RNF130: variants seen among roughly 807,000 people sequenced by gnomAD.
The protein encoded by RNF130 is E3 ubiquitin-protein ligase RNF130.
A neutral mutation model predicts 44.6 loss-of-function variants in RNF130; 21 were observed. The observed-to-expected ratio is 0.47, with a 90% CI of 0.33 to 0.68. The LOEUF is 0.68. RNF130 is among the 30% of genes least tolerant of loss of function. The probability of loss-of-function intolerance (pLI) is 0.02; values close to 1 mark genes in which losing one functional copy is unlikely to be tolerated. For synonymous variants in RNF130, 214 were observed against 210.4 expected (o/e 1.02, Z -0.15); for missense variants, 479 against 560.6 (o/e 0.85, Z 1.47).
In RNF130 at chr5:179,955,773, C is replaced by T. The variant is rs1582138756; in HGVS notation, c.1245-104G>A. The T allele has an allele frequency of 1.1e-5, 10 of 912,512 alleles. No individual in the cohort carries two copies. The East Asian group carries it at 2.5e-4, about 23-fold the overall frequency. The allele number at this position is 912,512 out of a possible 1,614,324, so 56.5% of individuals were successfully genotyped here. ...TGAAGGGTGGCCTGGCTGTCCCCAG[C>T]TAGTTCCCAACCCCTCTGGTAAGGC... On this transcript the variant is annotated intron_variant, in intron 8 of 8. Coordinates refer to ENST00000521389, the MANE Select transcript of RNF130 (RefSeq NM_018434.6).
chr5:179,961,309 G>C (rs544503059), intron 8 of RNF130, among the ~76,000 whole-genome samples: 1 of 152,210 alleles, frequency 6.6e-6, no homozygotes, highest in African/African-American at 2.4e-5. Context: ...CGGTGGTTTT[G>C]ACTGAAGGCA....
intron 3 of RNF130, among the ~76,000 whole-genome samples, chr5:179,991,000 TGGG>T (rs1357107124): frequency 1.3e-5 from 2 of 152,240 alleles, no homozygotes; most frequent in Non-Finnish European, 2.9e-5. Context: ...CCTCGGCACC[TGGG>T]TGGCTTGTTG....
intron 7 of RNF130, among the ~76,000 whole-genome samples, chr5:179,927,607 G>C (rs1424118691): frequency 1.9e-5 from 1 of 53,060 alleles, no homozygotes; most frequent in South Asian, 5.6e-4. Context: ...TTTTTTTTTT[G>C]AGATGGAGTC....
At chr5:180,045,990 C>T (rs918391263) in intron 1 of RNF130, among the ~76,000 whole-genome samples, 3 of 152,236 alleles carry the variant, frequency 2.0e-5, no homozygotes, top group African/African-American at 7.2e-5. Context: ...GGGACCGAGC[C>T]CCGTGGAGCA....
rs1763630605 is a variant in RNF130 at position 180,013,152 on chromosome 5, G to T, written c.602C>A (p.Ser201Tyr). 6.2e-7 allele frequency: 1 copy of T among 1,613,986 alleles called. No individual in the cohort carries two copies. The highest frequency in any genetic ancestry group is 1.1e-5 in the South Asian group (1 of 91,062). Reference sequence around the variant, plus strand: ...AGAAATAATCATCAAAACAATAAAGGATATTGACACGAAGACTAGAGAGCC... The same window carrying T: ...AGAAATAATCATCAAAACAATAAAGTATATTGACACGAAGACTAGAGAGCC... Reference protein sequence around the residue: ...SRGSLVFVSISFIVLMIISSA... With the variant: ...SRGSLVFVSIYFIVLMIISSA... The change falls in exon 3 of 9, where the codon TCC becomes TAC. Residue 201 changes from serine (S) to tyrosine (Y), a missense_variant. Physicochemically the swap from Ser to Tyr is moderately radical, Grantham distance 144. This residue lies in a region of RNF130 where 180 missense variants were observed against 275.1 expected (regional missense o/e 0.65). Coordinates refer to ENST00000521389, the MANE Select transcript of RNF130 (RefSeq NM_018434.6).
At chr5:179,999,107 C>CTGCCTTGCAGGT (rs148463725) in intron 3 of RNF130, among the ~76,000 whole-genome samples, 29,906 of 150,870 alleles carry the variant, frequency 0.2, 3,199 homozygotes, top group Middle Eastern at 0.25. Flanking sequence ...ACTGCAGCCT[C>CTGCCTTGCAGGT]TGCCTTGCAG....
At chr5:180,044,057 A>G (rs1049324737) in intron 1 of RNF130, among the ~76,000 whole-genome samples, 1 of 152,238 alleles carries the variant, frequency 6.6e-6, no homozygotes, top group Non-Finnish European at 1.5e-5. Context: ...ATTAAGTAGT[A>G]TTACTCCAAA....
chr5:179,962,650 C>A (rs572293034), intron 8 of RNF130, among the ~76,000 whole-genome samples: 8 of 152,278 alleles, frequency 5.3e-5, no homozygotes, highest in Non-Finnish European at 1.0e-4. Context: ...AATAAAAAAA[C>A]CCTTTCTATA....
chr5:180,060,992 C>A (rs1764971765), intron 1 of RNF130, among the ~76,000 whole-genome samples: 1 of 149,146 alleles, frequency 6.7e-6, no homozygotes, highest in Admixed American at 6.7e-5. Context: ...TGGCGTGAAC[C>A]CCGGGGGGGC....
chr5:180,000,981 G>C (rs1763320862), intron 3 of RNF130, among the ~76,000 whole-genome samples: 1 of 152,092 alleles, frequency 6.6e-6, no homozygotes, highest in African/African-American at 2.4e-5. Flanking sequence ...TGTGCATCTG[G>C]TGGAACAATC....
chr5:179,996,877 G>A (rs1763211598), intron 3 of RNF130, among the ~76,000 whole-genome samples: 1 of 152,204 alleles, frequency 6.6e-6, no homozygotes, highest in Admixed American at 6.5e-5. Context: ...GGAGGAGTAT[G>A]AGAAGAATTG....
intron 1 of RNF130, among the ~76,000 whole-genome samples, chr5:180,070,666 C>T (rs1048012406): frequency 1.3e-5 from 2 of 152,184 alleles, no homozygotes; most frequent in Non-Finnish European, 2.9e-5. Context: ...TCATATTCCA[C>T]GATGTGCAAA....
intron 1 of RNF130, among the ~76,000 whole-genome samples, chr5:180,066,180 G>A (rs1357303875): frequency 3.9e-5 from 6 of 152,230 alleles, no homozygotes; most frequent in Non-Finnish European, 5.9e-5. Flanking sequence ...CCCAGTGGGA[G>A]ATAACTGGAA....
intron 7 of RNF130, among the ~76,000 whole-genome samples, chr5:179,948,427 T>C (rs773645600): frequency 6.6e-6 from 1 of 152,130 alleles, no homozygotes; most frequent in African/African-American, 2.4e-5. Context: ...CCCAGCACTT[T>C]GGGAGGCTGA....
chr5:179,914,045 T>C (rs942056896), exon 8 of RNF130: 2 of 152,270 alleles, frequency 1.3e-5, no homozygotes, highest in Non-Finnish European at 1.5e-5. Flanking sequence ...CTCCCAGTCC[T>C]TCTGCAAGGC....
intron 7 of RNF130, among the ~76,000 whole-genome samples, chr5:179,921,026 A>T (rs562468206): frequency 1.3e-5 from 2 of 152,138 alleles, no homozygotes; most frequent in South Asian, 4.1e-4. Context: ...TGATTTTAAA[A>T]TTCCATAGTT....
intron 1 of RNF130, among the ~76,000 whole-genome samples, chr5:180,055,248 C>CAAAAAAAAAAAAAAAAAA (rs1205914690): frequency 2.9e-4 from 6 of 20,968 alleles, no homozygotes; most frequent in Non-Finnish European, 3.7e-4. Flanking sequence ...GGTTCTGTCT[C>CAAAAAAAAAAAAAAAAAA]AAAAAAAAAA....
At chr5:180,034,506 A>T (rs1257361660) in intron 2 of RNF130, among the ~76,000 whole-genome samples, 1 of 152,142 alleles carries the variant, frequency 6.6e-6, no homozygotes, top group African/African-American at 2.4e-5. Context: ...TTAATCCCCA[A>T]TTCAATTTCT....
chr5:180,024,222 G>A (rs76443222), intron 2 of RNF130, among the ~76,000 whole-genome samples: 2,549 of 152,270 alleles, frequency 0.017, 78 homozygotes, highest in African/African-American at 0.059. Context: ...GTAATGTGGT[G>A]TCCTGGGTGG....
Sources: gnomAD v4.1 joint callset for allele counts (sites outside exome capture counted in the v4.1 genomes callset) on GRCh38, gnomAD v4.1.1 for gene constraint, gnomAD v4.1.1 regional missense constraint, MANE v1.5 for transcripts, NCBI Gene and HGNC (gene_info 2026-07-23, HGNC 2026-07-21) for gene names.